The following COX5A variants were observed in gnomAD, a reference collection of about 807,000 sequenced individuals.
COX5A encodes the protein cytochrome c oxidase subunit 5A, also known as cytochrome c oxidase subunit 5A, mitochondrial.
Under a neutral mutation model 16.1 loss-of-function variants are expected in COX5A, and 6 were observed. The ratio of observed to expected loss-of-function variants is 0.37; its 90% CI spans 0.20 to 0.73. The LOEUF is 0.73. COX5A is among the 30% of genes least tolerant of loss of function. The pLI, the probability that COX5A is intolerant of heterozygous loss-of-function variation, is 0.50. For missense variants in COX5A, 159 were observed against 194.9 expected, an observed-to-expected ratio of 0.82 and a Z score of 1.10; for synonymous variants, 73 against 73.8, an observed-to-expected ratio of 0.99 and a Z score of 0.06.
rs1318385924 is a variant in COX5A, at chr15:74,923,694, A to G, written c.416T>C (p.Ile139Thr). 7.4e-6 allele frequency: 12 copies of G among 1,611,768 alleles called. No homozygotes were observed. The highest frequency in any genetic ancestry group is 9.3e-6 in the Non-Finnish European group (11 of 1,179,658). The change falls in exon 4 of 5, where the codon ATC becomes ACC. Residue 139 changes from isoleucine to threonine, a missense_variant. By Grantham distance (89) the Ile-to-Thr change is moderately conservative. Transcript: ENST00000322347. ...AAGGCCCAGTTCCTCCGGAGTGGAG[A>G]TTCCCAGTTCATTTAAAGTTGGTCT... ...ELRPTLNELGISTPEELGLDK... is the reference protein window; with the variant it reads ...ELRPTLNELGTSTPEELGLDK...
intron 1 of COX5A, among the ~76,000 whole-genome samples, chr15:74,933,418 AATATCTATC>A (rs1198771773): frequency 6.7e-5 from 9 of 134,042 alleles, no homozygotes; most frequent in South Asian, 2.6e-4. Context: ...CAAAAAAAAA[AATATCTATC>A]TATCTATCTA....
At position 74,926,528 on chromosome 15, in the gene COX5A, A is replaced by C. The variant is rs556650522; in HGVS notation, c.339+238T>G. On this transcript the variant is annotated intron_variant, in intron 3 of 4. Transcript: ENST00000322347. ...AAAAAAAAAGAGAGAAAAAAGAAAAAAGATAAATTCTTAAATGGAATTGCT... is the reference window on the plus strand; with the variant it reads ...AAAAAAAAAGAGAGAAAAAAGAAAACAGATAAATTCTTAAATGGAATTGCT... Among the ~76,000 whole-genome samples the C allele has an allele frequency of 8.3e-4, 127 of 152,228 alleles. No individual in the cohort carries two copies. In the Middle Eastern group the frequency reaches 0.01, roughly 12 times the overall value.
rs1255629864 is a variant in COX5A at position 74,920,069 on chromosome 15, G to C, written c.*383C>G. 6.6e-5 allele frequency: 24 copies of C among 362,016 alleles called. No individual in the cohort carries two copies. The highest frequency in any genetic ancestry group is 5.2e-5 in the Admixed American group (1 of 19,392). The allele number at this position is 362,016 out of a possible 1,614,324, so 22.4% of individuals were successfully genotyped here. On this transcript the variant is annotated 3_prime_UTR_variant, in exon 5 of 5. Coordinates refer to ENST00000322347, the MANE Select transcript of COX5A (RefSeq NM_004255.4). ...TCCCCTAAGCCTAGGGTGTCAACAAGAAAATTCTATATAAATGACTTCTAG... is the reference window on the plus strand; with the variant it reads ...TCCCCTAAGCCTAGGGTGTCAACAACAAAATTCTATATAAATGACTTCTAG...
At chr15:74,923,794 A>G (rs1226979183) in intron 3 of COX5A, 24 bp from the exon 4 acceptor site, 1 of 1,385,076 alleles carries the variant, frequency 7.2e-7, no homozygotes, top group Non-Finnish European at 1.0e-6. Context: ...GAATATTCAC[A>G]TTTAACTCTC....
At chr15:74,927,954 T>C (rs1336730405) in intron 2 of COX5A, among the ~76,000 whole-genome samples, 1 of 152,206 alleles carries the variant, frequency 6.6e-6, no homozygotes, top group Non-Finnish European at 1.5e-5. Flanking sequence ...TGATTGGGCA[T>C]GATTACTTTC....
intron 1 of COX5A, chr15:74,937,671 G>A: frequency 3.1e-6 from 1 of 325,072 alleles, no homozygotes; most frequent in Non-Finnish European, 5.6e-6. Context: ...GGCGCCCACA[G>A]CAGGTCCACA....
Position 74,937,969 on chromosome 15 carries a change from G to A in COX5A, c.46C>T (p.Arg16Trp), listed in dbSNP as rs2065399943. ...LRRCAVAATT[R>W]ADPRGLLHSA... ...TGCAGGAGGCCTCGAGGGTCGGCCC[G>A]GGTGGTTGCGGCCACAGCGCAGCGG... The change falls in exon 1 of 5, where the codon CGG (arginine) becomes TGG (tryptophan). Residue 16 changes from arginine (R) to tryptophan (W), a missense_variant. Arg to Trp is a moderately radical substitution (Grantham distance 101). Transcript: ENST00000322347. 9.7e-6 allele frequency: 12 copies of A among 1,232,930 alleles called. No homozygotes were observed. In the South Asian group the frequency reaches 4.5e-4, roughly 46 times the overall value. 76.4% of individuals were successfully genotyped at this position (1,232,930 alleles called of 1,614,324 possible).
intron 1 of COX5A, among the ~76,000 whole-genome samples, chr15:74,930,086 A>G (rs1454076971): frequency 6.7e-6 from 1 of 150,132 alleles, no homozygotes; most frequent in East Asian, 2.0e-4. Flanking sequence ...CTCAAAAAAC[A>G]AACAAACAAA....
rs144859078 is a variant in COX5A, at chr15:74,937,640, G to A, written c.100+275C>T. On this transcript the variant is annotated intron_variant, in intron 1 of 4. Transcript: ENST00000322347. ...AGGGTCATGGCCCGGGAACCGAAGG[G>A]GAGCGCTGCGTCCCCTCCTCGGCGC... 5.3e-3 allele frequency: 1,487 copies of A among 279,926 alleles called. 7 individuals are homozygous for A. The highest frequency in any genetic ancestry group is 0.013 in the Middle Eastern group (13 of 1,020). The allele number at this position is 279,926 out of a possible 1,614,324, so 17.3% of individuals were successfully genotyped here.
chr15:74,921,874 T>C (rs2065322658), intron 4 of COX5A, among the ~76,000 whole-genome samples: 1 of 152,104 alleles, frequency 6.6e-6, no homozygotes, highest in African/African-American at 2.4e-5. Flanking sequence ...GAGGTTGTGC[T>C]GGTGAGGGGG....
intron 3 of COX5A, among the ~76,000 whole-genome samples, chr15:74,924,415 T>C (rs2141270568): frequency 6.6e-6 from 1 of 151,908 alleles, no homozygotes; most frequent in East Asian, 1.9e-4. Flanking sequence ...CACGCCCCTG[T>C]AATCCCAGCT....
Position 74,929,184 on chromosome 15 carries a change from T to C in COX5A, c.149A>G (p.Glu50Gly), listed in dbSNP as rs746494422. 8.7e-6 allele frequency: 14 copies of C among 1,614,166 alleles called. No individual in the cohort carries two copies. The highest frequency in any genetic ancestry group is 1.2e-5 in the Non-Finnish European group (14 of 1,179,996). The change falls in exon 2 of 5, where the codon GAG (glutamate) becomes GGG (glycine). Residue 50 changes from glutamate (E) to glycine (G), a missense_variant. Coordinates refer to ENST00000322347, the MANE Select transcript of COX5A (RefSeq NM_004255.4). ...CYSHGSQETD[E>G]EFDARWVTYF... ...TGTTACCCAGCGAGCATCAAACTCC[T>C]CATCTGTCTCCTGTGACCCATGGGA...
At chr15:74,930,047 C>T (rs2065359845) in intron 1 of COX5A, among the ~76,000 whole-genome samples, 2 of 151,656 alleles carry the variant, frequency 1.3e-5, no homozygotes. Flanking sequence ...CCACTGCACT[C>T]CAGCCTGGGC....
intron 3 of COX5A, among the ~76,000 whole-genome samples, chr15:74,925,222 C>T (rs939885491): frequency 1.3e-5 from 2 of 151,662 alleles, no homozygotes; most frequent in African/African-American, 4.8e-5. Context: ...ATTGCTTGAA[C>T]CCAGGAGACC....
intron 2 of COX5A, among the ~76,000 whole-genome samples, chr15:74,928,588 T>C (rs1197213654): frequency 2.6e-5 from 4 of 152,216 alleles, no homozygotes; most frequent in Non-Finnish European, 4.4e-5. Flanking sequence ...GGTTTCACCA[T>C]GTTAGCCAGA....
intron 1 of COX5A, among the ~76,000 whole-genome samples, chr15:74,932,690 TTTTAA>T (rs1365564109): frequency 6.6e-6 from 1 of 151,638 alleles, no homozygotes; most frequent in Non-Finnish European, 1.5e-5. Context: ...AGTGAACACG[TTTTAA>T]TTTCTTTTTT....
intron 4 of COX5A, among the ~76,000 whole-genome samples, chr15:74,922,129 G>A (rs771660009): frequency 6.6e-6 from 1 of 152,198 alleles, no homozygotes; most frequent in Non-Finnish European, 1.5e-5. Context: ...GCTCATGCCT[G>A]TAATCCCAGC....
In COX5A at chr15:74,926,436, A is replaced by G. The variant is rs529942680; in HGVS notation, c.339+330T>C. 7.9e-5 allele frequency among the ~76,000 whole-genome samples: 12 copies of G among 151,996 alleles called. No homozygotes were observed. In the South Asian group the frequency reaches 1.5e-3, roughly 18 times the overall value. ...CATGATCCACCCGCCTTAGCCTCCTAAAGTGCTGGGATTACAGGCATGAGC... is the reference window on the plus strand; with the variant it reads ...CATGATCCACCCGCCTTAGCCTCCTGAAGTGCTGGGATTACAGGCATGAGC... On this transcript the variant is annotated intron_variant, in intron 3 of 4. Coordinates refer to ENST00000322347, the MANE Select transcript of COX5A (RefSeq NM_004255.4).
chr15:74,929,971 C>T (rs1045516935), intron 1 of COX5A, among the ~76,000 whole-genome samples: 4 of 151,322 alleles, frequency 2.6e-5, no homozygotes, highest in African/African-American at 9.7e-5. Context: ...CCCAGCTACT[C>T]GGGAGGCTGA....
Sources: gnomAD v4.1 joint callset for allele counts (sites outside exome capture counted in the v4.1 genomes callset) on GRCh38, gnomAD v4.1.1 for gene constraint, MANE v1.5 for transcripts, NCBI Gene and HGNC (gene_info 2026-07-23, HGNC 2026-07-21) for gene names.